RBFOX1: variants seen among roughly 807,000 people sequenced by gnomAD.
The protein encoded by RBFOX1 is RNA binding protein fox-1 homolog 1.
A neutral mutation model predicts 57.7 loss-of-function variants in RBFOX1; 8 were observed. The observed-to-expected ratio is 0.14, with a 90% CI of 0.08 to 0.25. The LOEUF (loss-of-function observed/expected upper bound fraction) is 0.25, where lower values mean the gene tolerates loss of function less well. Among genes scored for constraint, RBFOX1 ranks in the 10% least tolerant of loss-of-function variants. The probability of loss-of-function intolerance (pLI) is 1.00; values close to 1 mark genes in which losing one functional copy is unlikely to be tolerated. For synonymous variants in RBFOX1, 326 were observed against 222.4 expected (o/e 1.47, Z -4.15); for missense variants, 611 against 548.5 (o/e 1.11, Z -1.14).
intron 1 of RBFOX1, among the ~76,000 whole-genome samples, chr16:6,108,862 CTT>C (rs2096412405): frequency 6.6e-6 from 1 of 152,096 alleles, no homozygotes; most frequent in African/African-American, 2.4e-5. Context: ...TCTGCTCTCT[CTT>C]ATAGGGACGC....
At chr16:5,491,673 G>A (rs2042833529) in intron 2 of RBFOX1, among the ~76,000 whole-genome samples, 1 of 152,206 alleles carries the variant, frequency 6.6e-6, no homozygotes, top group Non-Finnish European at 1.5e-5. Context: ...AGCTGGCCCA[G>A]CAGCCATGAG....
At chr16:6,845,682 C>G (rs930412885) in intron 3 of RBFOX1, among the ~76,000 whole-genome samples, 5 of 152,176 alleles carry the variant, frequency 3.3e-5, no homozygotes, top group South Asian at 2.1e-4. Flanking sequence ...TTTCAGAGAT[C>G]TCACCAGAAC....
At chr16:6,172,206 G>A (rs192574845) in intron 1 of RBFOX1, among the ~76,000 whole-genome samples, 1 of 152,166 alleles carries the variant, frequency 6.6e-6, no homozygotes, top group Non-Finnish European at 1.5e-5. Flanking sequence ...GCAGCCAAGT[G>A]TGTCACTTTG....
chr16:5,319,829 A>G (rs144676865), intron 1 of RBFOX1, among the ~76,000 whole-genome samples: 23 of 152,094 alleles, frequency 1.5e-4, no homozygotes, highest in African/African-American at 5.1e-4. Context: ...GGCTCCTTCA[A>G]CTCTGTGACT....
chr16:7,242,016 T>A (rs2094090175), intron 4 of RBFOX1, among the ~76,000 whole-genome samples: 1 of 152,126 alleles, frequency 6.6e-6, no homozygotes, highest in Non-Finnish European at 1.5e-5. Context: ...AATCCCTTTT[T>A]TTGTGCAGTG....
At chr16:7,049,300 G>A (rs1013671868) in intron 3 of RBFOX1, among the ~76,000 whole-genome samples, 2 of 152,130 alleles carry the variant, frequency 1.3e-5, no homozygotes, top group African/African-American at 4.8e-5. Flanking sequence ...AAAGCAATGG[G>A]AGGTGGGAGT....
chr16:6,367,994 C>A (rs1057217500), intron 2 of RBFOX1, among the ~76,000 whole-genome samples: 3 of 152,126 alleles, frequency 2.0e-5, no homozygotes, highest in Admixed American at 2.0e-4. Flanking sequence ...AAGTAAGATC[C>A]ATTTGTGTCT....
chr16:6,480,970 C>A (rs1262813318), intron 2 of RBFOX1, among the ~76,000 whole-genome samples: 1 of 152,172 alleles, frequency 6.6e-6, no homozygotes, highest in South Asian at 2.1e-4. Flanking sequence ...CAACCCCATC[C>A]TGTATCACAA....
At chr16:7,521,092 G>A (rs1278358997) in intron 5 of RBFOX1, among the ~76,000 whole-genome samples, 1 of 44,198 alleles carries the variant, frequency 2.3e-5, no homozygotes, top group Non-Finnish European at 6.0e-5. Context: ...GGTGCTACCT[G>A]CAAACGTGTA....
chr16:6,498,212 A>G (rs1382394997), intron 2 of RBFOX1, among the ~76,000 whole-genome samples: 3 of 149,578 alleles, frequency 2.0e-5, no homozygotes, highest in South Asian at 2.1e-4. Context: ...AGATTGTGCC[A>G]CTGCGCTCAA....
intron 2 of RBFOX1, among the ~76,000 whole-genome samples, chr16:5,496,646 C>G (rs555576705): frequency 4.6e-5 from 7 of 152,062 alleles, no homozygotes; most frequent in African/African-American, 1.2e-4. Flanking sequence ...GCCCAATAAA[C>G]GAGGGAGAGT....
chr16:5,637,372 C>T (rs759410579), intron 3 of RBFOX1, among the ~76,000 whole-genome samples: 1 of 152,120 alleles, frequency 6.6e-6, no homozygotes, highest in Non-Finnish European at 1.5e-5. Context: ...GCTAGGTTTC[C>T]AGGGGGCTCA....
rs549987843 is a variant in RBFOX1, at chr16:6,169,608, G to C, written c.-126-147387G>C. On this transcript the variant is annotated intron_variant, in intron 1 of 15. Coordinates refer to ENST00000550418, the MANE Select transcript of RBFOX1 (RefSeq NM_018723.4). The stretch of plus-strand genomic sequence containing the variant: ...AAAGGGAAATGAGGTACAGAAATTA[G>C]AAGTGAGGTACAGAACTGAGCTAGA... Among the ~76,000 whole-genome samples the C allele has an allele frequency of 3.3e-5, 5 of 152,292 alleles. No homozygotes were observed. The South Asian group carries it at 1.0e-3, about 32-fold the overall frequency.
At chr16:6,855,904 C>T (rs983820376) in intron 3 of RBFOX1, among the ~76,000 whole-genome samples, 2 of 148,348 alleles carry the variant, frequency 1.3e-5, no homozygotes, top group African/African-American at 5.1e-5. Context: ...CCTTACCTCC[C>T]TTCTTTCCTT....
At chr16:7,595,731 G>C (rs1465829432) in intron 8 of RBFOX1, 90 bp downstream of exon 8, 6 of 944,746 alleles carry the variant, frequency 6.4e-6, no homozygotes, top group Non-Finnish European at 7.5e-6. Flanking sequence ...TTGGCGTCTT[G>C]TATGTGACCC....
chr16:6,844,128 T>C, intron 3 of RBFOX1, among the ~76,000 whole-genome samples: 1 of 56,044 alleles, frequency 1.8e-5, no homozygotes, highest in South Asian at 6.3e-4. Flanking sequence ...TGCATGGCTT[T>C]TCTCTCTCTC....
At chr16:7,658,837 G>A (rs1422629117) in intron 12 of RBFOX1, among the ~76,000 whole-genome samples, 1 of 152,160 alleles carries the variant, frequency 6.6e-6, no homozygotes, top group African/African-American at 2.4e-5. Context: ...CAATTCTCCT[G>A]TCTTCAGCTT....
At chr16:5,436,974 GC>G (rs1431146493) in intron 1 of RBFOX1, among the ~76,000 whole-genome samples, 1 of 152,072 alleles carries the variant, frequency 6.6e-6, no homozygotes, top group East Asian at 1.9e-4. Context: ...ATTTGTACCT[GC>G]CCCCATGACT....
At chr16:7,202,345 G>A (rs758182288) in intron 4 of RBFOX1, among the ~76,000 whole-genome samples, 6 of 151,398 alleles carry the variant, frequency 4.0e-5, no homozygotes, top group Non-Finnish European at 7.4e-5. Context: ...TGATAAGGAT[G>A]TGGAAAAATT....
Sources: allele counts gnomAD v4.1 joint callset (sites outside exome capture counted in the v4.1 genomes callset), GRCh38; gene constraint gnomAD v4.1.1; transcripts MANE v1.5; gene names NCBI Gene and HGNC (gene_info 2026-07-23, HGNC 2026-07-21).